LRP1B: variants seen among roughly 807,000 people sequenced by gnomAD.
LRP1B encodes the protein LDL receptor related protein 1B, also known as low-density lipoprotein receptor-related protein 1B.
Under a neutral mutation model 556.6 loss-of-function variants are expected in LRP1B, and 217 were observed. The ratio of observed to expected loss-of-function variants is 0.39; its 90% CI spans 0.35 to 0.44. The LOEUF is 0.44. Ranked by LOEUF, LRP1B falls within the 20% of genes least tolerant of loss-of-function variation. The pLI, the probability that LRP1B is intolerant of heterozygous loss-of-function variation, is 1.00. For missense variants in LRP1B, 5,053 were observed against 5,620.8 expected (o/e 0.90, Z 3.23); for synonymous variants, 2,047 against 1,865.8 (o/e 1.10, Z -2.50).
intron 2 of LRP1B, among the ~76,000 whole-genome samples, chr2:141,600,206 C>T (rs7571949): frequency 0.027 from 4,066 of 152,164 alleles, 170 homozygotes; most frequent in African/African-American, 0.091. Context: ...TTGGTTAGAG[C>T]GGTCTTACTT....
chr2:141,551,153 AT>A (rs1685737118), intron 2 of LRP1B, among the ~76,000 whole-genome samples: 1 of 152,036 alleles, frequency 6.6e-6, no homozygotes, highest in Non-Finnish European at 1.5e-5. Context: ...ATAGATGTGT[AT>A]TTCTTGTTAA....
intron 47 of LRP1B, among the ~76,000 whole-genome samples, chr2:140,528,103 G>A (rs1443880189): frequency 6.6e-6 from 1 of 151,856 alleles, no homozygotes; most frequent in Non-Finnish European, 1.5e-5. Context: ...TTCTCTGTCT[G>A]AGTGAGAAGT....
chr2:140,728,744 A>C (rs1019771095), intron 35 of LRP1B, among the ~76,000 whole-genome samples: 1 of 152,124 alleles, frequency 6.6e-6, no homozygotes, highest in African/African-American at 2.4e-5. Context: ...GAATAGAGGG[A>C]TGTAGCATAA....
intron 21 of LRP1B, among the ~76,000 whole-genome samples, chr2:140,922,661 T>C (rs1426011791): frequency 6.6e-6 from 1 of 150,974 alleles, no homozygotes; most frequent in African/African-American, 2.5e-5. Flanking sequence ...ATCTCAGAAA[T>C]AAATAAACAA....
At chr2:140,270,214 G>C (rs2104943519) in intron 86 of LRP1B, 28 bp downstream of exon 86, 1 of 1,500,692 alleles carries the variant, frequency 6.7e-7, no homozygotes, top group South Asian at 1.1e-5. Flanking sequence ...CTTATTATAA[G>C]ATGCCCATGA....
intron 66 of LRP1B, among the ~76,000 whole-genome samples, chr2:140,399,045 G>A (rs1435077702): frequency 6.6e-6 from 1 of 152,020 alleles, no homozygotes; most frequent in Non-Finnish European, 1.5e-5. Context: ...ATGTGCTAAT[G>A]AGTCCGATTG....
chr2:141,928,615 T>G (rs1018956735), intron 1 of LRP1B, among the ~76,000 whole-genome samples: 1 of 152,124 alleles, frequency 6.6e-6, no homozygotes, highest in Non-Finnish European at 1.5e-5. Flanking sequence ...GGCAGAACCA[T>G]ATCACTCAGA....
intron 2 of LRP1B, among the ~76,000 whole-genome samples, chr2:141,586,641 T>C (rs932102122): frequency 1.3e-5 from 2 of 152,142 alleles, no homozygotes. Flanking sequence ...ATTCCAAGTA[T>C]GCATTAAAGA....
At chr2:141,239,541 ACAAT>A (rs988866845) in intron 5 of LRP1B, among the ~76,000 whole-genome samples, 1 of 152,062 alleles carries the variant, frequency 6.6e-6, no homozygotes, top group African/African-American at 2.4e-5. Context: ...AATAAAGAAG[ACAAT>A]TATATGAGTC....
intron 53 of LRP1B, among the ~76,000 whole-genome samples, chr2:140,504,717 G>A (rs184505018): frequency 3.9e-5 from 6 of 152,218 alleles, no homozygotes; most frequent in Non-Finnish European, 8.8e-5. Context: ...ATCCAAGCTA[G>A]AAATTCCCTT....
At chr2:141,846,001 G>T (rs564189326) in intron 1 of LRP1B, among the ~76,000 whole-genome samples, 15 of 147,166 alleles carry the variant, frequency 1.0e-4, no homozygotes, top group Non-Finnish European at 3.0e-5. Flanking sequence ...GGTACCAAAA[G>T]GAAATTTAAA....
chr2:141,623,277 A>T lies in LRP1B; in HGVS notation c.206-142744T>A, dbSNP rs113872293. Among the ~76,000 whole-genome samples the T allele has an allele frequency of 8.5e-3, 1,295 of 152,320 alleles. 22 individuals carry two copies. The highest frequency in any genetic ancestry group is 0.03 in the African/African-American group (1,245 of 41,572). Reference sequence around the variant, plus strand: ...AAACCACATTCTTCAAAATCAATCAAATAAATTGCAGAGTTTTGCCATTTA... The same window carrying T: ...AAACCACATTCTTCAAAATCAATCATATAAATTGCAGAGTTTTGCCATTTA... On this transcript the variant is annotated intron_variant, in intron 2 of 90. Coordinates refer to ENST00000389484, the MANE Select transcript of LRP1B (RefSeq NM_018557.3).
At chr2:140,378,450 A>T (rs1443719239) in intron 67 of LRP1B, among the ~76,000 whole-genome samples, 164 bp from the exon 68 acceptor site, 1 of 152,206 alleles carries the variant, frequency 6.6e-6, no homozygotes. Context: ...TATGGTACAT[A>T]ATATAATAAT....
intron 3 of LRP1B, among the ~76,000 whole-genome samples, chr2:141,464,607 T>TATATATATATATATA (rs1295526699): frequency 1.7e-5 from 1 of 59,912 alleles, no homozygotes; most frequent in Non-Finnish European, 3.8e-5. Flanking sequence ...TATATATATA[T>TATATATATATATATA]TTTTTTAGTA....
chr2:141,611,482 C>G (rs1215283280), intron 2 of LRP1B, among the ~76,000 whole-genome samples: 2 of 152,020 alleles, frequency 1.3e-5, no homozygotes, highest in African/African-American at 4.8e-5. Flanking sequence ...TCCTCTCTTC[C>G]CAACAGTATT....
intron 84 of LRP1B, among the ~76,000 whole-genome samples, chr2:140,290,096 G>A (rs1683312004): frequency 6.6e-6 from 1 of 152,192 alleles, no homozygotes; most frequent in South Asian, 2.1e-4. Flanking sequence ...CAAGATTGAT[G>A]AGGTATGCAA....
At chr2:140,633,393 T>C (rs1056597574) in intron 41 of LRP1B, among the ~76,000 whole-genome samples, 1 of 152,070 alleles carries the variant, frequency 6.6e-6, no homozygotes, top group Non-Finnish European at 1.5e-5. Flanking sequence ...CAAAAATCAA[T>C]AATCTCAGGC....
chr2:141,207,599 G>T lies in LRP1B; in HGVS notation c.851-19016C>A, dbSNP rs577740353. Among the ~76,000 whole-genome samples, 225 of 152,266 alleles carry T rather than the reference G, an allele frequency of 1.5e-3. 2 individuals are homozygous for T. The highest frequency in any genetic ancestry group is 4.9e-3 in the African/African-American group (205 of 41,546). On this transcript the variant is annotated intron_variant, in intron 6 of 90. Coordinates refer to ENST00000389484, the MANE Select transcript of LRP1B (RefSeq NM_018557.3). ...TCTTTAGTTATGGAAATAATATTTTGTGTGTGTGAAGCATTTAAGACTAAC... is the reference window on the plus strand; with the variant it reads ...TCTTTAGTTATGGAAATAATATTTTTTGTGTGTGAAGCATTTAAGACTAAC...
At chr2:141,222,617 G>A (rs1270441628) in intron 6 of LRP1B, among the ~76,000 whole-genome samples, 1 of 151,984 alleles carries the variant, frequency 6.6e-6, no homozygotes, top group Admixed American at 6.6e-5. Context: ...GAACATCAAT[G>A]CAAAAAAATC....
Sources: allele counts gnomAD v4.1 joint callset (sites outside exome capture counted in the v4.1 genomes callset), GRCh38; gene constraint gnomAD v4.1.1; transcripts MANE v1.5; gene names NCBI Gene and HGNC (gene_info 2026-07-23, HGNC 2026-07-21).